Variants in MYO15A observed in about 807,000 individuals in gnomAD.
MYO15A encodes the protein myosin XVA.
MYO15A carries 308 observed loss-of-function variants against 394.6 expected under a neutral mutation model. The ratio of observed to expected loss-of-function variants is 0.78; its 90% CI spans 0.71 to 0.86. MYO15A has a LOEUF of 0.86. Among genes scored for constraint, MYO15A ranks in the 40% least tolerant of loss-of-function variants. The probability of loss-of-function intolerance (pLI) is 0.00; values close to 1 mark genes in which losing one functional copy is unlikely to be tolerated. For synonymous variants in MYO15A, 1,957 were observed against 2,003.8 expected (o/e 0.98, Z 0.62); for missense variants, 4,606 against 4,799.1 (o/e 0.96, Z 1.19).
intron 48 of MYO15A, among the ~76,000 whole-genome samples, 190 bp downstream of exon 48, chr17:18,156,526 C>T (rs2046678439): frequency 1.3e-5 from 2 of 152,240 alleles, no homozygotes; most frequent in African/African-American, 4.8e-5. Context: ...TTTGCCAGTG[C>T]CCCCTGCCGG....
chr17:18,162,577 T>C lies in MYO15A; in HGVS notation c.9518-8T>C. The C allele has an allele frequency of 6.2e-7, 1 of 1,613,368 alleles. No individual in the cohort carries two copies. Among genetic ancestry groups the C allele is most frequent in the African/African-American group, 1.3e-5 (1 of 75,040 alleles). On this transcript the variant is annotated splice_region_variant and splice_polypyrimidine_tract_variant and intron_variant, in intron 57 of 65. Transcript: ENST00000647165. ...CTTGGGCGAGGCCTGAACTCCCTGCTTCTGCAGGGATCGCCAAGGCCTGCG... is the reference window on the plus strand; with the variant it reads ...CTTGGGCGAGGCCTGAACTCCCTGCCTCTGCAGGGATCGCCAAGGCCTGCG...
At position 18,147,983 on chromosome 17, in the gene MYO15A, T is replaced by C; in HGVS notation, c.6510-46T>C. The C allele has an allele frequency of 6.2e-7, 1 of 1,612,568 alleles. No individual in the cohort carries two copies. Among genetic ancestry groups the C allele is most frequent in the Non-Finnish European group, 8.5e-7 (1 of 1,178,968 alleles). The stretch of plus-strand genomic sequence containing the variant: ...CACCCCGCAGCCCTCAGCCCCAAGC[T>C]AGCTTCAGATCCTTCTTGATCCTGG... On this transcript the variant is annotated intron_variant, in intron 30 of 65. Coordinates refer to ENST00000647165, the MANE Select transcript of MYO15A (RefSeq NM_016239.4). The surrounding 1 kb of genome is among the most constrained non-coding windows in gnomAD (Gnocchi z 4.4).
At chr17:18,114,739 C>T (rs1055878177) in intron 1 of MYO15A, among the ~76,000 whole-genome samples, 1 of 152,322 alleles carries the variant, frequency 6.6e-6, no homozygotes. Flanking sequence ...CAGTCCCGCC[C>T]TCCTGTGCAG....
chr17:18,145,072 G>A (rs1368045387), intron 29 of MYO15A, among the ~76,000 whole-genome samples: 1 of 152,188 alleles, frequency 6.6e-6, no homozygotes, highest in Non-Finnish European at 1.5e-5. Context: ...AGTACACAGA[G>A]AAGAGGAAAT....
At chr17:18,172,738 T>G (rs1173701062) in intron 64 of MYO15A, 3 of 302,168 alleles carry the variant, frequency 9.9e-6, no homozygotes, top group Admixed American at 4.9e-5. Context: ...CGCACAACCC[T>G]GGTATCTCTG....
At position 18,157,722 on chromosome 17, in the gene MYO15A, G is replaced by T. The variant is rs765432573; in HGVS notation, c.8789G>T (p.Gly2930Val). 5.6e-6 allele frequency: 9 copies of T among 1,605,660 alleles called. No homozygotes were observed. The highest frequency in any genetic ancestry group is 7.6e-6 in the Non-Finnish European group (9 of 1,179,860). The change falls in exon 51 of 66, where the codon GGC becomes GTC. Residue 2930 changes from glycine (G) to valine (V), a missense_variant and splice_region_variant. Transcript: ENST00000647165. ...EELRRRGPDF[G>V]WRFGTIHGRV... ...CCTCAGACCTTTTACCCACCCCTAGGCTGGAGGTTCGGGACCATCCACGGG... is the reference window on the plus strand; with the variant it reads ...CCTCAGACCTTTTACCCACCCCTAGTCTGGAGGTTCGGGACCATCCACGGG...
chr17:18,171,899 C>G (rs2046947195), intron 63 of MYO15A, 128 bp downstream of exon 63: 1 of 1,432,892 alleles, frequency 7.0e-7, no homozygotes, highest in East Asian at 2.5e-5. Context: ...AAGCTGAGCA[C>G]CTGCCTGGAG....
At position 18,118,811 on chromosome 17, in the gene MYO15A, A is replaced by C. The variant is rs1404154647; in HGVS notation, c.11A>C (p.Glu4Ala). The C allele has an allele frequency of 6.2e-7, 1 of 1,608,732 alleles. No individual in the cohort carries two copies. MAK[E>A]EDEEKKAKKG... is the part of the protein sequence containing the mutation. ...GAGCAGGCAGCCACCATGGCGAAGG[A>C]GGAAGATGAGGAGAAGAAAGCCAAG... The change falls in exon 2 of 66, where the codon GAG becomes GCG. Residue 4 changes from glutamate to alanine, a missense_variant. By Grantham distance (107) the Glu-to-Ala change is moderately radical. Around this residue, in one of 2 missense-constraint regions of MYO15A, gnomAD observed 1,830 missense variants for 1,689.7 expected, o/e 1.08. Transcript: ENST00000647165.
At chr17:18,139,136 G>C in intron 18 of MYO15A, 200 bp downstream of exon 18, 1 of 740,220 alleles carries the variant, frequency 1.4e-6, no homozygotes, top group Non-Finnish European at 2.3e-6. Flanking sequence ...GGTAATAATA[G>C]TGCCCAACTC....
chr17:18,158,775 T>C (rs2046728395), intron 52 of MYO15A, 137 bp downstream of exon 52: 2 of 1,376,340 alleles, frequency 1.5e-6, no homozygotes, highest in African/African-American at 1.4e-5. Flanking sequence ...GTGAGGCTCA[T>C]TTCAGTGCCT....
chr17:18,157,494 C>A, intron 50 of MYO15A: 2 of 984,310 alleles, frequency 2.0e-6, no homozygotes, highest in Non-Finnish European at 2.9e-6. Flanking sequence ...AGTCCACAAA[C>A]CCTGCTTTGC....
rs780417625 is a variant in MYO15A, at chr17:18,153,760, C to A, written c.7967-15C>A. ...AGGTGCCTTCTCCTGACTCCCTGAT[C>A]CCCGCGCTCTCCAGCTCTGCCCTCG... On this transcript the variant is annotated splice_polypyrimidine_tract_variant and intron_variant, in intron 42 of 65. Coordinates refer to ENST00000647165, the MANE Select transcript of MYO15A (RefSeq NM_016239.4). The surrounding 1 kb of genome is among the most constrained non-coding windows in gnomAD (Gnocchi z 4.1). 6.2e-7 allele frequency: 1 copy of A among 1,613,160 alleles called. No homozygotes were observed. The highest frequency in any genetic ancestry group is 8.5e-7 in the Non-Finnish European group (1 of 1,179,894).
chr17:18,151,157 C>G lies in MYO15A; in HGVS notation c.7521C>G (p.Pro2507=), dbSNP rs772912435. The change falls in exon 39 of 66, where the codon CCC becomes CCG. Residue 2507 remains proline, a synonymous_variant. Coordinates refer to ENST00000647165, the MANE Select transcript of MYO15A (RefSeq NM_016239.4). ...AGCCGACGTCTGTAGGCACCGGTCC[C>G]CCTGCCAAACCCGTGCTCCTGCGTG... ...EAQPTSVGTG[P]PAKPVLLRAT... 1.2e-6 allele frequency: 2 copies of G among 1,614,028 alleles called. No individual in the cohort carries two copies. Among genetic ancestry groups the G allele is most frequent in the Admixed American group, 3.3e-5 (2 of 60,024 alleles).
At chr17:18,168,052 G>A (rs1426329948) in intron 62 of MYO15A, among the ~76,000 whole-genome samples, 1 of 152,234 alleles carries the variant, frequency 6.6e-6, no homozygotes, top group Non-Finnish European at 1.5e-5. Flanking sequence ...AGCCACAAAA[G>A]CATTCACTGC....
intron 11 of MYO15A, 27 bp from the exon 12 acceptor site, chr17:18,133,197 CT>C (rs757422865): frequency 3.5e-5 from 56 of 1,612,842 alleles, no homozygotes; most frequent in Non-Finnish European, 4.6e-5. Flanking sequence ...CCCAAGCTCC[CT>C]GACCCTCAGC....
At chr17:18,137,875 C>G (rs1261259920) in intron 16 of MYO15A, 196 bp downstream of exon 16, 3 of 841,562 alleles carry the variant, frequency 3.6e-6, no homozygotes, top group Non-Finnish European at 5.6e-6. Context: ...GTGCTGTGCT[C>G]AGAGAGGAGT....
intron 56 of MYO15A, chr17:18,161,064 TAGGAG>T (rs2046767499): frequency 3.1e-6 from 2 of 646,196 alleles, no homozygotes; most frequent in Admixed American, 4.2e-5. Flanking sequence ...AAGAGAAGAA[TAGGAG>T]AGGAAAGAGT....
chr17:18,168,294 G>A (rs937681739), intron 62 of MYO15A, among the ~76,000 whole-genome samples: 5 of 151,686 alleles, frequency 3.3e-5, no homozygotes, highest in African/African-American at 9.7e-5. Flanking sequence ...GGCCGGGCGC[G>A]GTCGCTCATG....
chr17:18,173,854 A>G lies in MYO15A; in HGVS notation c.10424A>G (p.Tyr3475Cys). Residue 3475 changes from tyrosine to cysteine, a missense_variant, in exon 65 of 66, where the codon TAC becomes TGC. Transcript: ENST00000647165. ...CAGCGGCCCACGGCCAACTCCAGCTACCCCTATGTGGAGATTGCGCTGGGG... is the reference window on the plus strand; with the variant it reads ...CAGCGGCCCACGGCCAACTCCAGCTGCCCCTATGTGGAGATTGCGCTGGGG... ...RTQRPTANSSYPYVEIALGDV... is the reference protein window; with the variant it reads ...RTQRPTANSSCPYVEIALGDV... The G allele has an allele frequency of 6.2e-7, 1 of 1,613,240 alleles. No individual in the cohort carries two copies. Among genetic ancestry groups the G allele is most frequent in the South Asian group, 1.1e-5 (1 of 91,064 alleles).
Sources: allele counts gnomAD v4.1 joint callset (sites outside exome capture counted in the v4.1 genomes callset), GRCh38; gene constraint gnomAD v4.1.1; regional missense constraint gnomAD v4.1.1; non-coding constraint Gnocchi (gnomAD v3.1); transcripts MANE v1.5; gene names NCBI Gene and HGNC (gene_info 2026-07-23, HGNC 2026-07-21).